IPO13: variants seen among roughly 807,000 people sequenced by gnomAD.
IPO13 encodes the protein importin 13, also known as importin-13.
Under a neutral mutation model 115.5 loss-of-function variants are expected in IPO13, and 28 were observed. That is an observed-to-expected ratio of 0.24 (90% CI 0.18 to 0.33). The LOEUF (loss-of-function observed/expected upper bound fraction) is 0.33, where lower values mean the gene tolerates loss of function less well. Among genes scored for constraint, IPO13 ranks in the 10% least tolerant of loss-of-function variants. The pLI is 1.00. For synonymous variants in IPO13, 414 were observed against 478.9 expected (o/e 0.86, Z 1.77); for missense variants, 785 against 1,204.6 (o/e 0.65, Z 5.16).
Position 43,967,762 on chromosome 1 carries a change from T to A in IPO13, c.*80T>A. On this transcript the variant is annotated 3_prime_UTR_variant, in exon 20 of 20. Transcript: ENST00000372343. This position sits in a 1 kb window ranked among gnomAD's most constrained non-coding sequence, Gnocchi z 6.1. ...GTAAACCTGGACCCTCACTGCTGTC[T>A]CTGCCTCCTTTCTGCTGTCACCACC... 1 of 1,311,732 alleles carries A rather than the reference T, an allele frequency of 7.6e-7. No individual in the cohort carries two copies. Among genetic ancestry groups the A allele is most frequent in the South Asian group, 1.2e-5 (1 of 81,774 alleles). The allele number at this position is 1,311,732 out of a possible 1,614,324, so 81.3% of individuals were successfully genotyped here. A position where few individuals can be genotyped will look rare whatever the true frequency, so the allele number is the denominator to read the frequency against.
chr1:43,953,940 T>G (rs568491770), intron 2 of IPO13, among the ~76,000 whole-genome samples: 1 of 152,354 alleles, frequency 6.6e-6, no homozygotes, highest in South Asian at 2.1e-4. Flanking sequence ...ATTCTGCTTC[T>G]AAGTTGTTGT....
chr1:43,960,884 C>T lies in IPO13; in HGVS notation c.2118C>T (p.Cys706=), dbSNP rs775958042. 25 of 1,614,010 alleles carry T rather than the reference C, an allele frequency of 1.5e-5. No homozygotes were observed. Among genetic ancestry groups the T allele is most frequent in the Admixed American group, 1.2e-4 (7 of 60,010 alleles). The change falls in exon 13 of 20, where the codon TGC becomes TGT. Residue 706 remains cysteine (C), a synonymous_variant. Transcript: ENST00000372343. The stretch of plus-strand genomic sequence containing the variant: ...TTTGCTTTCTTCCCAAGGCGGTGTG[C>T]GCTATCTTTGAGAAGTCTGTTAAGA... ...LNDAQVVEAV[C]AIFEKSVKTL...
rs376095012 is a variant in IPO13, at chr1:43,958,324, C to T, written c.1749+56C>T. ...TGGAGGTCTTGTGGGAATCACTTAT[C>T]CCTGAAATCCTGTTTTTTGGCCTTC... On this transcript the variant is annotated intron_variant, in intron 9 of 19. Transcript: ENST00000372343. This position sits in a 1 kb window ranked among gnomAD's most constrained non-coding sequence, Gnocchi z 6.3. 3.2e-5 allele frequency: 52 copies of T among 1,611,444 alleles called. No individual in the cohort carries two copies. In the African/African-American group the frequency reaches 6.5e-4, roughly 20 times the overall value.
chr1:43,967,430 C>T lies in IPO13; in HGVS notation c.2729C>T (p.Pro910Leu). The change falls in exon 19 of 20, where the codon CCA becomes CTA. Residue 910 changes from proline to leucine, a missense_variant. By Grantham distance (98) the Pro-to-Leu change is moderately conservative. This residue lies in a region of IPO13 where 285 missense variants were observed against 394.8 expected (regional missense o/e 0.72). Transcript: ENST00000372343. This position sits in a 1 kb window ranked among gnomAD's most constrained non-coding sequence, Gnocchi z 6.1. ...LSMWIKEALQ[P>L]PGFPSARLSP... is the part of the protein sequence containing the mutation. ...ATGTGGATCAAGGAGGCCCTGCAGCCACCTGGTTTCCCCTCTGCCCGCCTC... is the reference window on the plus strand; with the variant it reads ...ATGTGGATCAAGGAGGCCCTGCAGCTACCTGGTTTCCCCTCTGCCCGCCTC... 6.2e-7 allele frequency: 1 copy of T among 1,614,142 alleles called. No individual in the cohort carries two copies. The highest frequency in any genetic ancestry group is 8.5e-7 in the Non-Finnish European group (1 of 1,180,020).
Position 43,966,612 on chromosome 1 carries a change from G to T in IPO13, c.2435G>T (p.Arg812Leu). The change falls in exon 16 of 20, where the codon CGA (arginine) becomes CTA (leucine). Residue 812 changes from arginine (R) to leucine (L), a missense_variant. By Grantham distance (102) the Arg-to-Leu change is moderately radical. This residue lies in a region of IPO13 where 285 missense variants were observed against 394.8 expected (regional missense o/e 0.72). Coordinates refer to ENST00000372343, the MANE Select transcript of IPO13 (RefSeq NM_014652.4). This position sits in a 1 kb window ranked among gnomAD's most constrained non-coding sequence, Gnocchi z 4.1. ...KRKPDLFLCE[R>L]LDVKAVFQCA... ...AAGCCAGATTTGTTCCTGTGTGAACGATTGGATGTCAAAGCTGTGTTCCAG... is the reference window on the plus strand; with the variant it reads ...AAGCCAGATTTGTTCCTGTGTGAACTATTGGATGTCAAAGCTGTGTTCCAG... 13 of 1,614,182 alleles carry T rather than the reference G, an allele frequency of 8.1e-6. No individual in the cohort carries two copies. The highest frequency in any genetic ancestry group is 1.1e-5 in the Non-Finnish European group (13 of 1,180,016).
chr1:43,962,957 CT>C (rs1179375655), intron 14 of IPO13, among the ~76,000 whole-genome samples: 1 of 152,240 alleles, frequency 6.6e-6, no homozygotes, highest in Non-Finnish European at 1.5e-5. Flanking sequence ...AGGGGGAGGG[CT>C]CCCTGCCCTT....
chr1:43,966,974 G>A lies in IPO13; in HGVS notation c.2568G>A (p.Lys856=), dbSNP rs767905787. ...PRCGEVESVG[K]VVQEDGRMLL... is the part of the protein sequence containing the mutation. ...GTGGGGAAGTAGAGTCTGTGGGAAAGGTGGTACAGGAAGACGGTCGTATGC... is the reference window on the plus strand; with the variant it reads ...GTGGGGAAGTAGAGTCTGTGGGAAAAGTGGTACAGGAAGACGGTCGTATGC... Residue 856 remains lysine, a synonymous_variant, in exon 18 of 20, where the codon AAG becomes AAA. Transcript: ENST00000372343. This position sits in a 1 kb window ranked among gnomAD's most constrained non-coding sequence, Gnocchi z 4.1. 7.4e-6 allele frequency: 12 copies of A among 1,613,790 alleles called. No individual in the cohort carries two copies. In the African/African-American group the frequency reaches 1.3e-4, roughly 18 times the overall value.
chr1:43,967,575 T>G lies in IPO13; in HGVS notation c.2796-11T>G. The stretch of plus-strand genomic sequence containing the variant: ...GGCTGGTGCTAACCTGCTCTCCCTT[T>G]TCTCCTTCAGCGAGCGAGTGAACAA... On this transcript the variant is annotated splice_polypyrimidine_tract_variant and intron_variant, in intron 19 of 19. Coordinates refer to ENST00000372343, the MANE Select transcript of IPO13 (RefSeq NM_014652.4). The surrounding 1 kb of genome is among the most constrained non-coding windows in gnomAD (Gnocchi z 6.1). The G allele has an allele frequency of 6.2e-7, 1 of 1,614,192 alleles. No individual in the cohort carries two copies. The highest frequency in any genetic ancestry group is 8.5e-7 in the Non-Finnish European group (1 of 1,180,032).
In IPO13 at chr1:43,956,504, A is replaced by C. The variant is rs776900825; in HGVS notation, c.962+44A>C. ...TGGGGTGGGATAGTAGGGCCCTCTA[A>C]GAAATGGGGTTCTGGAAGTCCCTGG... On this transcript the variant is annotated intron_variant, in intron 3 of 19. Transcript: ENST00000372343. This position sits in a 1 kb window ranked among gnomAD's most constrained non-coding sequence, Gnocchi z 4.7. The C allele has an allele frequency of 6.2e-7, 1 of 1,613,918 alleles. No individual in the cohort carries two copies. Among genetic ancestry groups the C allele is most frequent in the African/African-American group, 1.3e-5 (1 of 74,924 alleles).
rs1175128258 is a variant in IPO13 at position 43,952,094 on chromosome 1, T to C, written c.821+1941T>C. Among the ~76,000 whole-genome samples, 1 of 152,250 alleles carries C rather than the reference T, an allele frequency of 6.6e-6. No homozygotes were observed. Among genetic ancestry groups the C allele is most frequent in the East Asian group, 1.9e-4 (1 of 5,204 alleles). ...TGCATTTGTACCTTTGGGTTATTGA[T>C]ACGTTACATGTTTTAAAATGGGAAC... On this transcript the variant is annotated intron_variant, in intron 2 of 19. Transcript: ENST00000372343. This position sits in a 1 kb window ranked among gnomAD's most constrained non-coding sequence, Gnocchi z 4.7.
At chr1:43,948,727 A>G (rs978460510) in intron 1 of IPO13, among the ~76,000 whole-genome samples, 1 of 152,202 alleles carries the variant, frequency 6.6e-6, no homozygotes, top group Non-Finnish European at 1.5e-5. Context: ...CTTACTTCAT[A>G]AAGTCCCGTT....
At position 43,966,213 on chromosome 1, in the gene IPO13, C is replaced by T; in HGVS notation, c.2398-362C>T. The T allele has an allele frequency of 5.2e-6, 2 of 381,294 alleles. No homozygotes were observed. Among genetic ancestry groups the T allele is most frequent in the Non-Finnish European group, 1.0e-5 (2 of 200,132 alleles). 23.6% of individuals were successfully genotyped at this position (381,294 alleles called of 1,614,324 possible). On this transcript the variant is annotated intron_variant, in intron 15 of 19. Transcript: ENST00000372343. This position sits in a 1 kb window ranked among gnomAD's most constrained non-coding sequence, Gnocchi z 4.1. ...TCACAAACTGGGGGTGCTTAACTCC[C>T]TCTGTGAATCAACATGAAGTCACTG... is the stretch of plus-strand genomic sequence containing the variant.
chr1:43,958,633 T>C lies in IPO13; in HGVS notation c.1884+38T>C, dbSNP rs747279606. The C allele has an allele frequency of 5.6e-6, 9 of 1,613,126 alleles. No homozygotes were observed. The highest frequency in any genetic ancestry group is 1.7e-5 in the Admixed American group (1 of 59,966). On this transcript the variant is annotated intron_variant, in intron 10 of 19. Transcript: ENST00000372343. This position sits in a 1 kb window ranked among gnomAD's most constrained non-coding sequence, Gnocchi z 6.3. ...TGGGGGCCAGGGAGCGGTACTGAGA[T>C]GCTGTGGCTGATGAGGGGTGAGGTT...
Position 43,947,220 on chromosome 1 carries a change from A to G in IPO13, c.-381A>G. ...ACCCAGGCGGGGGTGTTGTGGGTAC[A>G]GGCCATCGACCCTGTGACCCCTCAA... On this transcript the variant is annotated 5_prime_UTR_variant, in exon 1 of 20. Coordinates refer to ENST00000372343, the MANE Select transcript of IPO13 (RefSeq NM_014652.4). The G allele has an allele frequency of 2.5e-6, 1 of 398,994 alleles. No individual in the cohort carries two copies. Among genetic ancestry groups the G allele is most frequent in the Non-Finnish European group, 4.4e-6 (1 of 226,342 alleles). The allele number at this position is 398,994 out of a possible 1,614,324, so 24.7% of individuals were successfully genotyped here. A position where few individuals can be genotyped will look rare whatever the true frequency, so the allele number is the denominator to read the frequency against.
At chr1:43,949,344 G>A in intron 1 of IPO13, 73 bp from the exon 2 acceptor site, 2 of 1,486,314 alleles carry the variant, frequency 1.3e-6, no homozygotes, top group Non-Finnish European at 1.8e-6. Flanking sequence ...GCAGGACCAA[G>A]TCACGCCTCT....
chr1:43,950,171 C>A lies in IPO13; in HGVS notation c.821+18C>A. On this transcript the variant is annotated intron_variant, in intron 2 of 19. Coordinates refer to ENST00000372343, the MANE Select transcript of IPO13 (RefSeq NM_014652.4). The stretch of plus-strand genomic sequence containing the variant: ...GCCCAGAGGTGAGCTAGTACCCACT[C>A]ACCCAGAAGACAACCTCTTTGGCCA... 1 of 1,580,580 alleles carries A rather than the reference C, an allele frequency of 6.3e-7. No homozygotes were observed.
At chr1:43,949,385 C>T (rs1029170506) in intron 1 of IPO13, 32 bp from the exon 2 acceptor site, 48 of 1,549,300 alleles carry the variant, frequency 3.1e-5, no homozygotes, top group Non-Finnish European at 4.2e-5. Context: ...CCAGAGTGGC[C>T]AGCACCTGCT....
rs1056285753 is a variant in IPO13 at position 43,952,394 on chromosome 1, T to C, written c.821+2241T>C. On this transcript the variant is annotated intron_variant, in intron 2 of 19. Coordinates refer to ENST00000372343, the MANE Select transcript of IPO13 (RefSeq NM_014652.4). This position sits in a 1 kb window ranked among gnomAD's most constrained non-coding sequence, Gnocchi z 4.7. ...CATGTTGGTCAGGCTGGTCTTGAAC[T>C]CCTAACCTCAGGTGATCCATCTGCC... Among the ~76,000 whole-genome samples, 1 of 152,196 alleles carries C rather than the reference T, an allele frequency of 6.6e-6. No individual in the cohort carries two copies. Among genetic ancestry groups the C allele is most frequent in the Non-Finnish European group, 1.5e-5 (1 of 68,030 alleles).
chr1:43,966,520 G>T lies in IPO13; in HGVS notation c.2398-55G>T, dbSNP rs2085325910. On this transcript the variant is annotated intron_variant, in intron 15 of 19. Transcript: ENST00000372343. The surrounding 1 kb of genome is among the most constrained non-coding windows in gnomAD (Gnocchi z 4.1). Reference sequence around the variant, plus strand: ...GGGGCTGGGGTGGCAGGTGAGTGGGGGGGATGGTCCTTGGAGCTGGCTGGG... The same window carrying T: ...GGGGCTGGGGTGGCAGGTGAGTGGGTGGGATGGTCCTTGGAGCTGGCTGGG... 1.3e-6 allele frequency: 2 copies of T among 1,574,440 alleles called. No individual in the cohort carries two copies. Among genetic ancestry groups the T allele is most frequent in the Non-Finnish European group, 8.7e-7 (1 of 1,144,664 alleles).
Sources: gnomAD v4.1 joint callset for allele counts (sites outside exome capture counted in the v4.1 genomes callset) on GRCh38, gnomAD v4.1.1 for gene constraint, gnomAD v4.1.1 regional missense constraint, Gnocchi (gnomAD v3.1) non-coding constraint, MANE v1.5 for transcripts, NCBI Gene and HGNC (gene_info 2026-07-23, HGNC 2026-07-21) for gene names.